The following SCMH1 variants were observed in gnomAD, a reference collection of about 807,000 sequenced individuals.
SCMH1 encodes the protein Scm polycomb group protein homolog 1.
A neutral mutation model predicts 70.8 loss-of-function variants in SCMH1; 37 were observed. The observed-to-expected ratio is 0.52, with a 90% CI of 0.40 to 0.69. The LOEUF is 0.69. SCMH1 is among the 30% of genes least tolerant of loss of function. The probability of loss-of-function intolerance (pLI) is 0.00; values close to 1 mark genes in which losing one functional copy is unlikely to be tolerated. For missense variants in SCMH1, 607 were observed against 827.3 expected, an observed-to-expected ratio of 0.73 and a Z score of 3.27; for synonymous variants, 292 against 307.4, an observed-to-expected ratio of 0.95 and a Z score of 0.52.
intron 2 of SCMH1, among the ~76,000 whole-genome samples, chr1:41,184,097 G>A (rs925035621): frequency 6.6e-6 from 1 of 152,156 alleles, no homozygotes; most frequent in African/African-American, 2.4e-5. Flanking sequence ...GGTAAATTCT[G>A]TGTTATGTAT....
At chr1:41,126,857 C>G (rs112383625) in intron 6 of SCMH1, among the ~76,000 whole-genome samples, 12 of 152,070 alleles carry the variant, frequency 7.9e-5, no homozygotes, top group Admixed American at 2.0e-4. Flanking sequence ...TGTGGCAGTA[C>G]ATCTTTAAAA....
At chr1:41,143,141 C>A in intron 5 of SCMH1, 29 bp from the exon 6 acceptor site, 1 of 1,582,550 alleles carries the variant, frequency 6.3e-7, no homozygotes. Flanking sequence ...GAGGTATAGA[C>A]AGATTAAGAG....
intron 6 of SCMH1, among the ~76,000 whole-genome samples, chr1:41,125,122 G>C (rs113376453): frequency 4.6e-5 from 7 of 152,042 alleles, no homozygotes; most frequent in Non-Finnish European, 7.4e-5. Flanking sequence ...CTATTCCTCA[G>C]TATGTTTTTT....
chr1:41,106,563 G>A (rs1667985568), intron 8 of SCMH1, among the ~76,000 whole-genome samples: 1 of 151,938 alleles, frequency 6.6e-6, no homozygotes, highest in African/African-American at 2.4e-5. Flanking sequence ...TACAGTTCTC[G>A]ATGCTCATAA....
At chr1:41,154,024 A>T (rs1572669211) in intron 4 of SCMH1, among the ~76,000 whole-genome samples, 1 of 152,330 alleles carries the variant, frequency 6.6e-6, no homozygotes, top group Middle Eastern at 3.4e-3. Flanking sequence ...TCCAGTGTGA[A>T]AGCAGCCACA....
chr1:41,176,735 G>A (rs550473979), intron 2 of SCMH1, among the ~76,000 whole-genome samples: 1 of 152,208 alleles, frequency 6.6e-6, no homozygotes, highest in Non-Finnish European at 1.5e-5. Flanking sequence ...GCTTGAGTAA[G>A]TAAAAAAAGT....
chr1:41,148,253 C>A (rs567210126), intron 5 of SCMH1, among the ~76,000 whole-genome samples: 1 of 152,150 alleles, frequency 6.6e-6, no homozygotes, highest in Non-Finnish European at 1.5e-5. Context: ...TCACAATATA[C>A]GGTTATTGTC....
chr1:41,046,661 G>A, intron 11 of SCMH1, 63 bp from the exon 12 acceptor site: 1 of 1,296,698 alleles, frequency 7.7e-7, no homozygotes, highest in Non-Finnish European at 1.1e-6. Flanking sequence ...CGCTAGGCAG[G>A]ACGAGTCCAG....
intron 1 of SCMH1, among the ~76,000 whole-genome samples, chr1:41,187,202 T>A (rs564636119): frequency 2.8e-4 from 42 of 152,084 alleles, no homozygotes; most frequent in Non-Finnish European, 5.0e-4. Context: ...GTGGCTCACG[T>A]CTGTAGTCCC....
intron 1 of SCMH1, among the ~76,000 whole-genome samples, chr1:41,200,501 T>C (rs899844560): frequency 3.6e-4 from 38 of 106,946 alleles, no homozygotes; most frequent in African/African-American, 8.6e-4. Flanking sequence ...ATAAATGTAA[T>C]AATAATAATA....
intron 10 of SCMH1, among the ~76,000 whole-genome samples, chr1:41,053,937 C>T (rs958375394): frequency 4.6e-5 from 7 of 151,958 alleles, no homozygotes; most frequent in South Asian, 2.1e-4. Context: ...CTCCGCCTCC[C>T]GGGTTCACGC....
intron 1 of SCMH1, among the ~76,000 whole-genome samples, chr1:41,193,531 G>C (rs552984341): frequency 1.5e-4 from 23 of 152,198 alleles, no homozygotes; most frequent in East Asian, 5.8e-4. Flanking sequence ...GGTTGGGGGG[G>C]GGTTGAGGAA....
At chr1:41,169,099 A>G (rs1376626207) in intron 2 of SCMH1, among the ~76,000 whole-genome samples, 1 of 152,182 alleles carries the variant, frequency 6.6e-6, no homozygotes, top group Non-Finnish European at 1.5e-5. Flanking sequence ...AAGTGGTCCT[A>G]CTGTACGTCC....
intron 8 of SCMH1, among the ~76,000 whole-genome samples, chr1:41,092,713 G>C (rs1424258999): frequency 6.6e-6 from 1 of 152,114 alleles, no homozygotes. Context: ...GTGGGCAAAG[G>C]ATATGAACAG....
chr1:41,151,312 T>C (rs535424212), intron 5 of SCMH1, among the ~76,000 whole-genome samples: 5 of 152,334 alleles, frequency 3.3e-5, no homozygotes, highest in South Asian at 4.1e-4. Flanking sequence ...ACTATAACTC[T>C]CTTTCCTGTC....
chr1:41,128,512 C>G (rs538009979), intron 6 of SCMH1, among the ~76,000 whole-genome samples: 1 of 151,996 alleles, frequency 6.6e-6, no homozygotes, highest in Non-Finnish European at 1.5e-5. Context: ...CTGTTTCTGA[C>G]GAGAAGTTGC....
chr1:41,205,801 C>G (rs975022109), intron 1 of SCMH1, among the ~76,000 whole-genome samples: 1 of 152,194 alleles, frequency 6.6e-6, no homozygotes, highest in Admixed American at 6.5e-5. Flanking sequence ...CAGGCAGGGG[C>G]CCCTCTAGGA....
At chr1:41,079,181 C>T (rs1659239306) in intron 8 of SCMH1, among the ~76,000 whole-genome samples, 1 of 151,692 alleles carries the variant, frequency 6.6e-6, no homozygotes, top group Admixed American at 6.6e-5. Flanking sequence ...CTTGATTAAT[C>T]CAAAAGAAGG....
At chr1:41,240,696 C>T (rs1257570103) in intron 1 of SCMH1, among the ~76,000 whole-genome samples, 1 of 149,882 alleles carries the variant, frequency 6.7e-6, no homozygotes, top group East Asian at 2.0e-4. Context: ...CAAATTTCCA[C>T]AAAATAAGAT....
Sources: allele counts gnomAD v4.1 joint callset (sites outside exome capture counted in the v4.1 genomes callset), GRCh38; gene constraint gnomAD v4.1.1; transcripts MANE v1.5; gene names NCBI Gene and HGNC (gene_info 2026-07-23, HGNC 2026-07-21).